GPC5: variants seen among roughly 807,000 people sequenced by gnomAD.
GPC5 encodes the protein glypican 5.
A neutral mutation model predicts 53.9 loss-of-function variants in GPC5; 47 were observed. That is an observed-to-expected ratio of 0.87 (90% confidence interval 0.69 to 1.11). The LOEUF is 1.11. GPC5 is among the 50% of genes most tolerant of loss of function. The probability of loss-of-function intolerance (pLI) is 0.00; values close to 1 mark genes in which losing one functional copy is unlikely to be tolerated. For missense variants in GPC5, 748 were observed against 713.1 expected (o/e 1.05, Z -0.56); for synonymous variants, 286 against 263.3 (o/e 1.09, Z -0.84).
In GPC5 at chr13:92,818,084, C is replaced by T. The variant is rs190906669; in HGVS notation, c.1562-48198C>T. 1.8e-4 allele frequency among the ~76,000 whole-genome samples: 27 copies of T among 150,466 alleles called. No homozygotes were observed. The East Asian group carries it at 5.1e-3, about 29-fold the overall frequency. On this transcript the variant is annotated intron_variant, in intron 7 of 7. Transcript: ENST00000377067. ...CTGGAGTGCAGTGGCGCGATCGCGG[C>T]TCACTGCAGCCTCTGCCTTCTGGGT...
chr13:91,439,733 G>T lies in GPC5; in HGVS notation c.164-9028G>T, dbSNP rs190043638. Among the ~76,000 whole-genome samples the T allele has an allele frequency of 1.2e-3, 181 of 152,158 alleles. 1 individual carries two copies. The highest frequency in any genetic ancestry group is 1.4e-3 in the Non-Finnish European group (92 of 67,990). The stretch of plus-strand genomic sequence containing the variant: ...TATCATCTGCCAAGTCTTACTCAAG[G>T]CATTGCTCTCCAGGTTATCTTCTAC... On this transcript the variant is annotated intron_variant, in intron 1 of 7. Coordinates refer to ENST00000377067, the MANE Select transcript of GPC5 (RefSeq NM_004466.6).
chr13:92,449,810 T>C (rs1256649542), intron 7 of GPC5, among the ~76,000 whole-genome samples: 1 of 152,162 alleles, frequency 6.6e-6, no homozygotes. Context: ...ATTTAGCATA[T>C]GTTTCATATG....
chr13:92,776,804 C>T (rs538302752), intron 7 of GPC5, among the ~76,000 whole-genome samples: 77 of 152,122 alleles, frequency 5.1e-4, no homozygotes, highest in Non-Finnish European at 1.0e-3. Context: ...TGCAGACAGT[C>T]TCCTTGTACC....
intron 2 of GPC5, among the ~76,000 whole-genome samples, chr13:91,461,976 G>A (rs1390150007): frequency 6.6e-6 from 1 of 152,084 alleles, no homozygotes; most frequent in Non-Finnish European, 1.5e-5. Flanking sequence ...ATAATAATTG[G>A]TGCATTTTTA....
At chr13:91,723,138 C>T (rs1281929170) in intron 3 of GPC5, among the ~76,000 whole-genome samples, 1 of 151,954 alleles carries the variant, frequency 6.6e-6, no homozygotes, top group Non-Finnish European at 1.5e-5. Flanking sequence ...AGTTTTAGGG[C>T]ATAATATTTT....
intron 1 of GPC5, among the ~76,000 whole-genome samples, chr13:91,427,425 A>G (rs1879137867): frequency 6.6e-6 from 1 of 152,006 alleles, no homozygotes; most frequent in South Asian, 2.1e-4. Flanking sequence ...ATCTTTTTGG[A>G]GTTTTTAAGT....
At chr13:92,407,353 C>T (rs1189853219) in intron 7 of GPC5, among the ~76,000 whole-genome samples, 1 of 152,164 alleles carries the variant, frequency 6.6e-6, no homozygotes, top group Non-Finnish European at 1.5e-5. Context: ...TAACCATTAA[C>T]TGATAAAATA....
At chr13:91,646,578 TA>T (rs762448105) in intron 2 of GPC5, among the ~76,000 whole-genome samples, 7 of 152,136 alleles carry the variant, frequency 4.6e-5, no homozygotes, top group Admixed American at 6.5e-5. Context: ...TGATCTAACA[TA>T]ATGGTTTAAT....
At chr13:92,379,803 C>T (rs12873398) in intron 7 of GPC5, among the ~76,000 whole-genome samples, 19,586 of 152,212 alleles carry the variant, frequency 0.13, 1,762 homozygotes, top group Non-Finnish European at 0.18. Flanking sequence ...CTCTCACTTA[C>T]ACATGGCTCA....
At chr13:92,455,500 A>G (rs1303928716) in intron 7 of GPC5, among the ~76,000 whole-genome samples, 2 of 152,290 alleles carry the variant, frequency 1.3e-5, no homozygotes, top group African/African-American at 2.4e-5. Flanking sequence ...ACTCTGGTGT[A>G]AGCGATATCC....
chr13:91,655,393 G>A (rs1165803094), intron 2 of GPC5, among the ~76,000 whole-genome samples: 1 of 151,942 alleles, frequency 6.6e-6, no homozygotes, highest in East Asian at 1.9e-4. Context: ...CTAAATATAA[G>A]TTATAATTAG....
Position 91,572,113 on chromosome 13 carries a change from G to A in GPC5, c.326-121074G>A, listed in dbSNP as rs1362776122. 6.7e-5 allele frequency among the ~76,000 whole-genome samples: 8 copies of A among 119,630 alleles called. 2 individuals carry two copies. Among genetic ancestry groups the A allele is most frequent in the African/African-American group, 2.4e-4 (7 of 28,746 alleles). 78.5% of individuals were successfully genotyped at this position (119,630 alleles called of 152,430 possible). A position where few individuals can be genotyped will look rare whatever the true frequency, so the allele number is the denominator to read the frequency against. On this transcript the variant is annotated intron_variant, in intron 2 of 7. Transcript: ENST00000377067. Reference sequence around the variant, plus strand: ...TACATGTGTGTGTATATACACACATGTATATATACGTGTGTATATACACAT... The same window carrying A: ...TACATGTGTGTGTATATACACACATATATATATACGTGTGTATATACACAT...
chr13:91,584,783 T>G (rs996841995), intron 2 of GPC5, among the ~76,000 whole-genome samples: 2 of 152,178 alleles, frequency 1.3e-5, no homozygotes, highest in African/African-American at 4.8e-5. Flanking sequence ...TTTCACAATG[T>G]TGGCCAGGCT....
chr13:91,436,865 G>A (rs906750650), intron 1 of GPC5, among the ~76,000 whole-genome samples: 2 of 152,168 alleles, frequency 1.3e-5, no homozygotes, highest in African/African-American at 4.8e-5. Flanking sequence ...ATGAATCTGG[G>A]TGCTCCTGTA....
At chr13:92,360,786 G>T (rs2043559596) in intron 7 of GPC5, among the ~76,000 whole-genome samples, 1 of 151,748 alleles carries the variant, frequency 6.6e-6, no homozygotes, top group African/African-American at 2.4e-5. Context: ...GAAGTTTCAG[G>T]ATACAAAATC....
At position 91,885,562 on chromosome 13, in the gene GPC5, A is replaced by G. The variant is rs182305224; in HGVS notation, c.1281-22375A>G. Among the ~76,000 whole-genome samples, 5 of 152,164 alleles carry G rather than the reference A, an allele frequency of 3.3e-5. No individual in the cohort carries two copies. The East Asian group carries it at 9.7e-4, about 29-fold the overall frequency. Reference sequence around the variant, plus strand: ...TACACAAACCATTCTCGAGGTGAAAACTGTGGTCTCTGGCATACCCATCTG... The same window carrying G: ...TACACAAACCATTCTCGAGGTGAAAGCTGTGGTCTCTGGCATACCCATCTG... On this transcript the variant is annotated intron_variant, in intron 5 of 7. Transcript: ENST00000377067.
chr13:92,129,418 A>G (rs2138959402), intron 6 of GPC5, among the ~76,000 whole-genome samples: 1 of 152,348 alleles, frequency 6.6e-6, no homozygotes, highest in African/African-American at 2.4e-5. Flanking sequence ...ACATTATCAG[A>G]ATACTTCATT....
intron 7 of GPC5, among the ~76,000 whole-genome samples, chr13:92,173,205 G>A (rs1008861750): frequency 6.6e-6 from 1 of 151,526 alleles, no homozygotes; most frequent in African/African-American, 2.4e-5. Context: ...TTTTTTCAAA[G>A]TGGGATTACC....
rs755038276 is a variant in GPC5 at position 91,571,867 on chromosome 13, GTA to G, written c.326-121313_326-121312del. On this transcript the variant is annotated intron_variant, in intron 2 of 7. Transcript: ENST00000377067. ...TGTGTATATACACATATACGTGTGT[GTA>G]TATATACACACATATACGTGTGTAT... Among the ~76,000 whole-genome samples the G allele has an allele frequency of 1.3e-3, 137 of 102,910 alleles. 12 individuals are homozygous for G. Among genetic ancestry groups the G allele is most frequent in the South Asian group, 4.2e-3 (13 of 3,092 alleles). 67.5% of individuals were successfully genotyped at this position (102,910 alleles called of 152,430 possible). A position where few individuals can be genotyped will look rare whatever the true frequency, so the allele number is the denominator to read the frequency against.
Sources: gnomAD v4.1 joint callset for allele counts (sites outside exome capture counted in the v4.1 genomes callset) on GRCh38, gnomAD v4.1.1 for gene constraint, MANE v1.5 for transcripts, NCBI Gene and HGNC (gene_info 2026-07-23, HGNC 2026-07-21) for gene names.